NR1H4: variants seen among roughly 807,000 people sequenced by gnomAD.
NR1H4 encodes bile acid receptor.
NR1H4 carries 23 observed loss-of-function variants against 58.5 expected under a neutral mutation model. That is an observed-to-expected ratio of 0.39 (90% CI 0.28 to 0.56). The LOEUF (loss-of-function observed/expected upper bound fraction) is 0.56. NR1H4 is among the 20% of genes least tolerant of loss of function. The probability of loss-of-function intolerance (pLI) is 0.58; values close to 1 mark genes in which losing one functional copy is unlikely to be tolerated. For synonymous variants in NR1H4, 214 were observed against 198.0 expected (o/e 1.08, Z -0.68); for missense variants, 487 against 576.9 (o/e 0.84, Z 1.60).
chr12:100,506,002 AACAC>A (rs398020830), intron 3 of NR1H4, among the ~76,000 whole-genome samples: 1,689 of 140,996 alleles, frequency 0.012, 6 homozygotes, highest in Non-Finnish European at 0.016. Context: ...AAGTGTTTAT[AACAC>A]ACACACACAC....
At chr12:100,561,227 T>G (rs1366229130) in intron 9 of NR1H4, among the ~76,000 whole-genome samples, 1 of 151,224 alleles carries the variant, frequency 6.6e-6, no homozygotes, top group Non-Finnish European at 1.5e-5. Context: ...AAACCCAGTC[T>G]CTACTAAAAA....
chr12:100,526,934 C>T (rs576592387), intron 4 of NR1H4, among the ~76,000 whole-genome samples: 2 of 152,124 alleles, frequency 1.3e-5, no homozygotes, highest in Non-Finnish European at 2.9e-5. Flanking sequence ...AGAAAAATTG[C>T]AGCTTTTGTC....
intron 4 of NR1H4, among the ~76,000 whole-genome samples, chr12:100,512,862 C>G (rs1194380028): frequency 6.6e-6 from 1 of 152,076 alleles, no homozygotes; most frequent in Non-Finnish European, 1.5e-5. Context: ...TTGGTGGTTG[C>G]CACAGAAATA....
chr12:100,550,348 T>A (rs1222469455), intron 9 of NR1H4, among the ~76,000 whole-genome samples: 2 of 152,100 alleles, frequency 1.3e-5, no homozygotes, highest in Non-Finnish European at 2.9e-5. Context: ...TAACACTGAA[T>A]GAGTTTATAT....
At chr12:100,542,119 G>T (rs917588420) in intron 9 of NR1H4, among the ~76,000 whole-genome samples, 1 of 152,016 alleles carries the variant, frequency 6.6e-6, no homozygotes, top group Non-Finnish European at 1.5e-5. Context: ...GCAGAGGGGG[G>T]TGGATCACTT....
chr12:100,530,089 A>C (rs114322299), intron 4 of NR1H4, among the ~76,000 whole-genome samples: 2,802 of 152,326 alleles, frequency 0.018, 70 homozygotes, highest in African/African-American at 0.055. Flanking sequence ...AACTCTGAAG[A>C]CAAGGAATGT....
chr12:100,546,163 C>T (rs1955065138), intron 9 of NR1H4, among the ~76,000 whole-genome samples: 1 of 152,174 alleles, frequency 6.6e-6, no homozygotes, highest in African/African-American at 2.4e-5. Context: ...CTACTGTGGG[C>T]TGTCTTTAAG....
chr12:100,478,632 C>T (rs1439578699), intron 1 of NR1H4, among the ~76,000 whole-genome samples: 1 of 152,144 alleles, frequency 6.6e-6, no homozygotes, highest in Non-Finnish European at 1.5e-5. Context: ...TGTTTAACCA[C>T]TTCCTAATAG....
chr12:100,503,543 G>C, intron 3 of NR1H4: 1 of 1,505,502 alleles, frequency 6.6e-7, no homozygotes, highest in Non-Finnish European at 8.8e-7. Context: ...CTTGCAACTG[G>C]ACTGAGGAAA....
At chr12:100,493,005 C>T (rs977891725) in intron 2 of NR1H4, among the ~76,000 whole-genome samples, 1 of 151,812 alleles carries the variant, frequency 6.6e-6, no homozygotes, top group Non-Finnish European at 1.5e-5. Context: ...CTCCCAAGGG[C>T]TGAAATTTGA....
chr12:100,537,316 T>C (rs1276911877), intron 8 of NR1H4, among the ~76,000 whole-genome samples: 1 of 152,242 alleles, frequency 6.6e-6, no homozygotes. Flanking sequence ...GTCGAACTAC[T>C]ATAGACATAA....
At chr12:100,524,469 T>A (rs1327439246) in intron 4 of NR1H4, among the ~76,000 whole-genome samples, 2 of 152,146 alleles carry the variant, frequency 1.3e-5, no homozygotes, top group African/African-American at 4.8e-5. Flanking sequence ...GCACTTTAAA[T>A]GGTCACTGAA....
chr12:100,549,784 C>A (rs974959100), intron 9 of NR1H4, among the ~76,000 whole-genome samples: 3 of 152,142 alleles, frequency 2.0e-5, no homozygotes, highest in African/African-American at 7.2e-5. Context: ...CATGCTGCTG[C>A]ATATTTTATC....
chr12:100,514,222 C>G (rs117563250), intron 4 of NR1H4, among the ~76,000 whole-genome samples: 216 of 152,310 alleles, frequency 1.4e-3, no homozygotes, highest in Non-Finnish European at 2.5e-3. Context: ...GGTTTGAGTA[C>G]AGGAGATTTG....
In NR1H4 at chr12:100,563,770, AG is replaced by A. The variant is rs1955525803; in HGVS notation, c.*284del. ...TTACTTCAATTCTATCTGTTGAACT[AG>A]GGAAAATCTCATTTTGCTCATCTTA... is the stretch of plus-strand genomic sequence containing the variant. On this transcript the variant is annotated 3_prime_UTR_variant, in exon 11 of 11. Coordinates refer to ENST00000392986, the MANE Select transcript of NR1H4 (RefSeq NM_001206979.2). 2.5e-6 allele frequency: 1 copy of A among 404,258 alleles called. No homozygotes were observed. Among genetic ancestry groups the A allele is most frequent in the African/African-American group, 2.0e-5 (1 of 50,006 alleles). The allele number at this position is 404,258 out of a possible 1,614,324, so 25.0% of individuals were successfully genotyped here.
intron 4 of NR1H4, among the ~76,000 whole-genome samples, chr12:100,530,875 C>G (rs1158322352): frequency 6.6e-6 from 1 of 152,104 alleles, no homozygotes; most frequent in African/African-American, 2.4e-5. Context: ...GACATGTATC[C>G]CCTGAAGCTG....
At chr12:100,476,625 G>T (rs1485017459) in intron 1 of NR1H4, among the ~76,000 whole-genome samples, 1 of 152,168 alleles carries the variant, frequency 6.6e-6, no homozygotes, top group Admixed American at 6.5e-5. Context: ...ATAAAGGACA[G>T]AAAAGGTTCT....
intron 9 of NR1H4, among the ~76,000 whole-genome samples, chr12:100,547,028 A>G (rs142290125): frequency 1.3e-5 from 2 of 152,238 alleles, no homozygotes; most frequent in East Asian, 3.9e-4. Context: ...AGTACTTTCC[A>G]TGTATCCCTT....
chr12:100,540,865 A>C (rs1417587228), intron 9 of NR1H4, 47 bp downstream of exon 9: 2 of 1,598,546 alleles, frequency 1.3e-6, no homozygotes, highest in Non-Finnish European at 1.7e-6. Flanking sequence ...TAGGAGTAAA[A>C]TTGGTGTGCT....
Sources: allele counts gnomAD v4.1 joint callset (sites outside exome capture counted in the v4.1 genomes callset), GRCh38; gene constraint gnomAD v4.1.1; transcripts MANE v1.5; gene names NCBI Gene and HGNC (gene_info 2026-07-23, HGNC 2026-07-21).